Variants in SPATA17 observed in about 807,000 individuals in gnomAD.
SPATA17 encodes spermatogenesis-associated protein 17.
In SPATA17, 53 loss-of-function variants were observed where a neutral mutation model predicts 62.2. That is an observed-to-expected ratio of 0.85 (90% CI 0.68 to 1.07). SPATA17 has a LOEUF of 1.07. Ranked by LOEUF, SPATA17 falls within the 50% of genes least tolerant of loss-of-function variation. The probability of loss-of-function intolerance (pLI) is 0.00; values close to 1 mark genes in which losing one functional copy is unlikely to be tolerated. For synonymous variants in SPATA17, 146 were observed against 146.8 expected, an observed-to-expected ratio of 0.99 and a Z score of 0.04; for missense variants, 466 against 425.5, an observed-to-expected ratio of 1.10 and a Z score of -0.84.
intron 9 of SPATA17, among the ~76,000 whole-genome samples, chr1:217,806,142 G>A (rs1478841691): frequency 6.6e-6 from 1 of 152,220 alleles, no homozygotes; most frequent in Non-Finnish European, 1.5e-5. Context: ...TCTCAGTGAA[G>A]TCTAAAACCT....
intron 5 of SPATA17, among the ~76,000 whole-genome samples, chr1:217,728,080 T>G (rs1471402242): frequency 6.6e-6 from 1 of 152,158 alleles, no homozygotes; most frequent in Non-Finnish European, 1.5e-5. Flanking sequence ...TTTTGTAAAT[T>G]CAACTTATAA....
Position 217,868,664 on chromosome 1 carries a change from G to GTTTTTTT in SPATA17, c.*1665_*1671dup, listed in dbSNP as rs34123629. On this transcript the variant is annotated 3_prime_UTR_variant, in exon 11 of 11. Transcript: ENST00000366933. ...TAAACCAGAAAGTATCTGAGACAATGTTTTTTTTTTTTTTTTTTTTTTTTT... is the reference window on the plus strand; with the variant it reads ...TAAACCAGAAAGTATCTGAGACAATGTTTTTTTTTTTTTTTTTTTTTTTTTTTTTTTT... 1.1e-5 allele frequency: 1 copy of GTTTTTTT among 88,238 alleles called. No individual in the cohort carries two copies. Among genetic ancestry groups the GTTTTTTT allele is most frequent in the East Asian group, 4.0e-4 (1 of 2,470 alleles). The allele number at this position is 88,238 out of a possible 1,614,324, so 5.5% of individuals were successfully genotyped here. A position where few individuals can be genotyped will look rare whatever the true frequency, so the allele number is the denominator to read the frequency against.
intron 5 of SPATA17, among the ~76,000 whole-genome samples, chr1:217,699,833 G>A (rs142272734): frequency 9.9e-4 from 150 of 151,632 alleles, no homozygotes; most frequent in African/African-American, 3.4e-3. Flanking sequence ...TTTTATTGTC[G>A]TCCATTCTAC....
chr1:217,638,226 C>T (rs1391283129), intron 1 of SPATA17, among the ~76,000 whole-genome samples: 1 of 152,006 alleles, frequency 6.6e-6, no homozygotes, highest in African/African-American at 2.4e-5. Flanking sequence ...GTGTACAACT[C>T]AGTAATTTTC....
chr1:217,730,957 T>A (rs1252975976), intron 5 of SPATA17, among the ~76,000 whole-genome samples: 1 of 152,200 alleles, frequency 6.6e-6, no homozygotes, highest in Non-Finnish European at 1.5e-5. Context: ...AAAATGTTAT[T>A]AGTGCTAAAA....
At chr1:217,772,678 T>G (rs1429116525) in intron 6 of SPATA17, among the ~76,000 whole-genome samples, 1 of 152,212 alleles carries the variant, frequency 6.6e-6, no homozygotes, top group African/African-American at 2.4e-5. Flanking sequence ...CTTTCTGAAC[T>G]GTGCGTTGTT....
chr1:217,646,764 G>T (rs757671740), intron 1 of SPATA17, among the ~76,000 whole-genome samples: 1 of 152,208 alleles, frequency 6.6e-6, no homozygotes, highest in South Asian at 2.1e-4. Flanking sequence ...GCATGGTGGC[G>T]TGCACCTGTA....
At chr1:217,634,505 A>G (rs1379060444) in intron 1 of SPATA17, among the ~76,000 whole-genome samples, 1 of 152,160 alleles carries the variant, frequency 6.6e-6, no homozygotes, top group Admixed American at 6.5e-5. Context: ...CATCAAGTGC[A>G]GCATCTGCAA....
intron 3 of SPATA17, among the ~76,000 whole-genome samples, chr1:217,658,682 CG>C (rs1379545815): frequency 6.6e-6 from 1 of 151,910 alleles, no homozygotes; most frequent in Non-Finnish European, 1.5e-5. Flanking sequence ...GGCGTGAACC[CG>C]GGAGGTGGAG....
chr1:217,760,480 A>G (rs1048906730), intron 6 of SPATA17, among the ~76,000 whole-genome samples: 1 of 152,186 alleles, frequency 6.6e-6, no homozygotes, highest in African/African-American at 2.4e-5. Flanking sequence ...GAAGAAGACT[A>G]TATAAGGGCT....
Position 217,641,417 on chromosome 1 carries a change from A to G in SPATA17, c.69-7465A>G, listed in dbSNP as rs112565423. On this transcript the variant is annotated intron_variant, in intron 1 of 10. Transcript: ENST00000366933. ...GACCCACAATCAGGAGGGAAAAAAA[A>G]TCAATCAACAGACACAGATCCAGAA... Among the ~76,000 whole-genome samples, 652 of 152,238 alleles carry G rather than the reference A, an allele frequency of 4.3e-3. 5 individuals carry two copies. Among genetic ancestry groups the G allele is most frequent in the African/African-American group, 0.015 (625 of 41,560 alleles).
At chr1:217,705,863 T>C (rs574596730) in intron 5 of SPATA17, among the ~76,000 whole-genome samples, 37 of 152,334 alleles carry the variant, frequency 2.4e-4, no homozygotes, top group African/African-American at 8.9e-4. Context: ...TTTTAGGTTT[T>C]ACATTTAAGT....
chr1:217,818,993 C>A (rs1674793362), intron 9 of SPATA17, among the ~76,000 whole-genome samples: 1 of 142,112 alleles, frequency 7.0e-6, no homozygotes, highest in East Asian at 2.1e-4. Flanking sequence ...TCCTCAATTT[C>A]TTTCCTGGCT....
intron 5 of SPATA17, among the ~76,000 whole-genome samples, chr1:217,713,185 G>A (rs1671919796): frequency 6.6e-6 from 1 of 152,098 alleles, no homozygotes; most frequent in African/African-American, 2.4e-5. Flanking sequence ...AAAATAATTA[G>A]CATAGATAAT....
Position 217,774,373 on chromosome 1 carries a change from G to T in SPATA17, c.559G>T (p.Asp187Tyr). Residue 187 changes from aspartate (D) to tyrosine (Y), a missense_variant, in exon 7 of 11, where the codon GAT becomes TAT. By Grantham distance (160) the Asp-to-Tyr change is radical. Transcript: ENST00000366933. ...IYNSPFRKEP[D>Y]PWELQLQKAK... Reference sequence around the variant, plus strand: ...CAATTCACCCTTCAGAAAAGAGCCTGATCCATGGGAGCTGCAATTACAGAA... The same window carrying T: ...CAATTCACCCTTCAGAAAAGAGCCTTATCCATGGGAGCTGCAATTACAGAA... 1 of 1,614,002 alleles carries T rather than the reference G, an allele frequency of 6.2e-7. No individual in the cohort carries two copies. Among genetic ancestry groups the T allele is most frequent in the Non-Finnish European group, 8.5e-7 (1 of 1,179,928 alleles).
At chr1:217,842,499 T>C (rs1315628686) in intron 9 of SPATA17, among the ~76,000 whole-genome samples, 1 of 151,950 alleles carries the variant, frequency 6.6e-6, no homozygotes, top group Non-Finnish European at 1.5e-5. Context: ...AGATTTCTAT[T>C]TCTTATTTTG....
rs774007371 is a variant in SPATA17 at position 217,868,662 on chromosome 1, ATGT to A, written c.*1645_*1647del. 2.1e-4 allele frequency: 25 copies of A among 116,384 alleles called. No individual in the cohort carries two copies. The highest frequency in any genetic ancestry group is 7.6e-4 in the African/African-American group (22 of 28,920). 7.2% of individuals were successfully genotyped at this position (116,384 alleles called of 1,614,324 possible). ...TGTAAACCAGAAAGTATCTGAGACA[ATGT>A]TTTTTTTTTTTTTTTTTTTTTTTTT... On this transcript the variant is annotated 3_prime_UTR_variant, in exon 11 of 11. Coordinates refer to ENST00000366933, the MANE Select transcript of SPATA17 (RefSeq NM_138796.4).
Position 217,788,578 on chromosome 1 carries a change from C to T in SPATA17, c.872+6256C>T, listed in dbSNP as rs141099772. Among the ~76,000 whole-genome samples the T allele has an allele frequency of 7.3e-4, 111 of 152,170 alleles. 1 individual carries two copies. Among genetic ancestry groups the T allele is most frequent in the African/African-American group, 2.5e-3 (105 of 41,532 alleles). On this transcript the variant is annotated intron_variant, in intron 8 of 10. Coordinates refer to ENST00000366933, the MANE Select transcript of SPATA17 (RefSeq NM_138796.4). ...AGGGAGGCAGAAAGAAATTTGACTA[C>T]ATGAAAGGAGGTCAGAGTGATGCAA...
intron 9 of SPATA17, among the ~76,000 whole-genome samples, chr1:217,827,610 T>G (rs1375353955): frequency 6.6e-6 from 1 of 152,076 alleles, no homozygotes; most frequent in Non-Finnish European, 1.5e-5. Context: ...CTACTCACAA[T>G]AGCAAAGACA....
Sources: allele counts gnomAD v4.1 joint callset (sites outside exome capture counted in the v4.1 genomes callset), GRCh38; gene constraint gnomAD v4.1.1; transcripts MANE v1.5; gene names NCBI Gene and HGNC (gene_info 2026-07-23, HGNC 2026-07-21).